PTPRD: variants seen among roughly 807,000 people sequenced by gnomAD.
PTPRD encodes the protein protein tyrosine phosphatase receptor type D.
PTPRD carries 34 observed loss-of-function variants against 214.5 expected under a neutral mutation model. That is an observed-to-expected ratio of 0.16 (90% confidence interval 0.12 to 0.21). PTPRD has a LOEUF of 0.21. Ranked by LOEUF, PTPRD falls within the 10% of genes least tolerant of loss-of-function variation. PTPRD has a pLI of 1.00. For synonymous variants in PTPRD, 1,128 were observed against 845.7 expected, an observed-to-expected ratio of 1.33 and a Z score of -5.79; for missense variants, 2,545 against 2,398.7, an observed-to-expected ratio of 1.06 and a Z score of -1.27.
intron 11 of PTPRD, among the ~76,000 whole-genome samples, chr9:9,013,986 T>G (rs541783106): frequency 6.6e-6 from 1 of 152,086 alleles, no homozygotes; most frequent in Non-Finnish European, 1.5e-5. Flanking sequence ...TCCCTCACTC[T>G]TGAACTCTTG....
chr9:9,972,322 C>T (rs2095150262), intron 4 of PTPRD, among the ~76,000 whole-genome samples: 1 of 152,114 alleles, frequency 6.6e-6, no homozygotes, highest in South Asian at 2.1e-4. Flanking sequence ...TTGCTCTTCT[C>T]AAGAGGAATC....
intron 9 of PTPRD, among the ~76,000 whole-genome samples, chr9:9,232,346 T>G (rs967028388): frequency 9.2e-5 from 14 of 152,168 alleles, no homozygotes; most frequent in Non-Finnish European, 1.8e-4. Context: ...ACTAAAGAAC[T>G]ATCAATCTGT....
chr9:9,695,751 A>G (rs1371038271), intron 7 of PTPRD, among the ~76,000 whole-genome samples: 1 of 152,142 alleles, frequency 6.6e-6, no homozygotes, highest in Non-Finnish European at 1.5e-5. Flanking sequence ...ATTGAATCCT[A>G]TATGATCATG....
chr9:9,966,436 G>A (rs1179562803), intron 4 of PTPRD, among the ~76,000 whole-genome samples: 1 of 152,074 alleles, frequency 6.6e-6, no homozygotes, highest in East Asian at 1.9e-4. Context: ...CAGCAAGGAG[G>A]TACCTTATCA....
At chr9:8,702,377 T>C (rs1425937424) in intron 12 of PTPRD, among the ~76,000 whole-genome samples, 1 of 152,190 alleles carries the variant, frequency 6.6e-6, no homozygotes, top group Non-Finnish European at 1.5e-5. Flanking sequence ...TGCTTCTCAG[T>C]TGGATCAGCA....
At chr9:8,448,915 A>G (rs1412301604) in intron 34 of PTPRD, among the ~76,000 whole-genome samples, 3 of 152,224 alleles carry the variant, frequency 2.0e-5, no homozygotes, top group Non-Finnish European at 4.4e-5. Flanking sequence ...TTAGCTTTTC[A>G]CTTTGTTCAT....
intron 8 of PTPRD, among the ~76,000 whole-genome samples, chr9:9,450,458 T>A (rs1345210826): frequency 6.6e-6 from 1 of 151,924 alleles, no homozygotes; most frequent in African/African-American, 2.4e-5. Context: ...TTAAGGCCAT[T>A]CTTGCAGGAG....
chr9:9,156,055 C>G (rs7040160), intron 10 of PTPRD, among the ~76,000 whole-genome samples: 1 of 151,784 alleles, frequency 6.6e-6, no homozygotes, highest in Admixed American at 6.6e-5. Context: ...AGCCTTAGAC[C>G]TCTGTTTCAG....
At chr9:9,659,992 G>C (rs923398796) in intron 7 of PTPRD, among the ~76,000 whole-genome samples, 1 of 151,852 alleles carries the variant, frequency 6.6e-6, no homozygotes, top group Non-Finnish European at 1.5e-5. Context: ...AATTTCCCTT[G>C]TATAATACAT....
chr9:9,597,560 C>T (rs1041591825), intron 7 of PTPRD, among the ~76,000 whole-genome samples: 5 of 151,912 alleles, frequency 3.3e-5, no homozygotes, highest in East Asian at 1.9e-4. Context: ...GGAAAAGTAC[C>T]GTAGAACTGC....
rs779560100 is a variant in PTPRD, at chr9:8,315,937, T to C, written c.*1937A>G. ...TCTGTTGGAAGAATTGGGGGTAAGA[T>C]ACATATATATATATAGTTTATTTCC... On this transcript the variant is annotated 3_prime_UTR_variant, in exon 46 of 46. Coordinates refer to ENST00000381196, the MANE Select transcript of PTPRD (RefSeq NM_002839.4). The C allele has an allele frequency of 2.2e-4, 39 of 180,730 alleles. No individual in the cohort carries two copies. The highest frequency in any genetic ancestry group is 2.9e-4 in the Non-Finnish European group (31 of 106,206). The allele number at this position is 180,730 out of a possible 1,614,324, so 11.2% of individuals were successfully genotyped here.
chr9:9,604,696 T>C (rs1397498440), intron 7 of PTPRD, among the ~76,000 whole-genome samples: 1 of 152,082 alleles, frequency 6.6e-6, no homozygotes. Context: ...TTTTAAACCA[T>C]ATCTATATGT....
chr9:8,402,432 G>A (rs1589559127), intron 36 of PTPRD, among the ~76,000 whole-genome samples: 1 of 152,106 alleles, frequency 6.6e-6, no homozygotes, highest in East Asian at 1.9e-4. Context: ...TAATGACAAA[G>A]TGAGCAAAAG....
At chr9:10,494,514 G>A (rs2041419669) in intron 2 of PTPRD, among the ~76,000 whole-genome samples, 1 of 151,516 alleles carries the variant, frequency 6.6e-6, no homozygotes, top group Non-Finnish European at 1.5e-5. Flanking sequence ...TGAGTTTCAA[G>A]AGGTCAGATG....
chr9:8,314,394 CG>C lies in PTPRD; in HGVS notation c.*3479del, dbSNP rs1338328776. On this transcript the variant is annotated 3_prime_UTR_variant, in exon 46 of 46. Coordinates refer to ENST00000381196, the MANE Select transcript of PTPRD (RefSeq NM_002839.4). Reference sequence around the variant, plus strand: ...CGCCTTTCATTCTGTAAAACATTTACGCGTACTACTAATTAGAGGTAATTGT... The same window carrying C: ...CGCCTTTCATTCTGTAAAACATTTACCGTACTACTAATTAGAGGTAATTGT... The C allele has an allele frequency of 2.2e-5, 5 of 229,672 alleles. No individual in the cohort carries two copies. The highest frequency in any genetic ancestry group is 4.3e-5 in the Non-Finnish European group (5 of 115,578). The allele number at this position is 229,672 out of a possible 1,614,324, so 14.2% of individuals were successfully genotyped here. A position where few individuals can be genotyped will look rare whatever the true frequency, so the allele number is the denominator to read the frequency against.
At chr9:9,153,472 C>T in intron 10 of PTPRD, among the ~76,000 whole-genome samples, 2 of 151,982 alleles carry the variant, frequency 1.3e-5, no homozygotes, top group South Asian at 4.1e-4. Context: ...TGGAATTAAA[C>T]ATTTACATAA....
chr9:9,448,421 G>C (rs929062662), intron 8 of PTPRD, among the ~76,000 whole-genome samples: 1 of 151,942 alleles, frequency 6.6e-6, no homozygotes, highest in African/African-American at 2.4e-5. Flanking sequence ...GGTTTCCTAA[G>C]TGTTTGCAAG....
At position 8,636,584 on chromosome 9, in the gene PTPRD, G is replaced by C; in HGVS notation, c.210+115C>G. 3.1e-6 allele frequency: 4 copies of C among 1,289,060 alleles called. No homozygotes were observed. In the South Asian group the frequency reaches 6.3e-5, roughly 20 times the overall value. 79.9% of individuals were successfully genotyped at this position (1,289,060 alleles called of 1,614,324 possible). A position where few individuals can be genotyped will look rare whatever the true frequency, so the allele number is the denominator to read the frequency against. ...CATTTTCCATCACTTGCAATGTAAG[G>C]AATACCATATATCAGTGACACCTTT... On this transcript the variant is annotated intron_variant, in intron 13 of 45. Transcript: ENST00000381196.
intron 2 of PTPRD, among the ~76,000 whole-genome samples, chr9:10,495,841 G>C (rs10122882): frequency 1.3e-5 from 2 of 151,590 alleles, no homozygotes; most frequent in African/African-American, 2.4e-5. Flanking sequence ...CATAGAATCT[G>C]TAGTCTATTT....
Sources: gnomAD v4.1 joint callset for allele counts (sites outside exome capture counted in the v4.1 genomes callset) on GRCh38, gnomAD v4.1.1 for gene constraint, MANE v1.5 for transcripts, NCBI Gene and HGNC (gene_info 2026-07-23, HGNC 2026-07-21) for gene names.